BLM: variants seen among roughly 807,000 people sequenced by gnomAD.
The protein encoded by BLM is recQ-like DNA helicase BLM.
In BLM, 95 loss-of-function variants were observed where a neutral mutation model predicts 135.3. The observed-to-expected ratio is 0.70, with a 90% CI of 0.59 to 0.83. BLM has a LOEUF of 0.83. Ranked by LOEUF, BLM falls within the 40% of genes least tolerant of loss-of-function variation. BLM has a pLI of 0.00. For synonymous variants in BLM, 520 were observed against 589.2 expected (o/e 0.88, Z 1.70); for missense variants, 1,518 against 1,663.9 (o/e 0.91, Z 1.53).
At chr15:90,772,201 T>C (rs1896339193) in intron 12 of BLM, among the ~76,000 whole-genome samples, 1 of 152,228 alleles carries the variant, frequency 6.6e-6, no homozygotes, top group Admixed American at 6.5e-5. Flanking sequence ...ACTGCTGCTA[T>C]GTCGTGGCCC....
At chr15:90,747,260 AAAAG>A in intron 1 of BLM, 125 bp from the exon 2 acceptor site, 19 of 621,138 alleles carry the variant, frequency 3.1e-5, no homozygotes, top group Admixed American at 6.1e-5. Context: ...AAAAAAAAAA[AAAAG>A]TCCTATTACT....
At chr15:90,761,868 G>A (rs565869128) in intron 7 of BLM, among the ~76,000 whole-genome samples, 1 of 152,266 alleles carries the variant, frequency 6.6e-6, no homozygotes, top group Non-Finnish European at 1.5e-5. Flanking sequence ...TAGTGAGAGA[G>A]AAGTTTTGAG....
intron 14 of BLM, 131 bp from the exon 15 acceptor site, chr15:90,790,518 A>T (rs1896876503): frequency 2.4e-6 from 2 of 832,610 alleles, no homozygotes; most frequent in African/African-American, 3.7e-5. Flanking sequence ...GACCAAGTTA[A>T]GATATTAGGT....
chr15:90,756,683 C>T (rs1895828870), intron 5 of BLM, among the ~76,000 whole-genome samples: 1 of 152,198 alleles, frequency 6.6e-6, no homozygotes, highest in African/African-American at 2.4e-5. Context: ...CATTCATCAC[C>T]ACTTCTTGTT....
chr15:90,799,443 G>T (rs757488637), intron 17 of BLM, among the ~76,000 whole-genome samples: 1 of 151,718 alleles, frequency 6.6e-6, no homozygotes, highest in Non-Finnish European at 1.5e-5. Flanking sequence ...TGATCAAAAT[G>T]ATATATGGAA....
intron 7 of BLM, 93 bp downstream of exon 7, chr15:90,761,348 T>C: frequency 1.0e-6 from 1 of 993,584 alleles, no homozygotes; most frequent in Non-Finnish European, 1.4e-6. Context: ...CATCATTGCC[T>C]GAAAACATTG....
chr15:90,754,996 G>GT, intron 5 of BLM, 58 bp downstream of exon 5: 1 of 1,590,890 alleles, frequency 6.3e-7, no homozygotes, highest in Non-Finnish European at 8.6e-7. Context: ...TGAAAACAAC[G>GT]TAACACAAAG....
intron 13 of BLM, among the ~76,000 whole-genome samples, chr15:90,784,402 G>T (rs1444057186): frequency 1.5e-5 from 2 of 137,712 alleles, no homozygotes; most frequent in Non-Finnish European, 1.5e-5. Context: ...GTGCGATCTC[G>T]GCTCACTGCA....
At chr15:90,798,497 G>A (rs1479050890) in intron 17 of BLM, among the ~76,000 whole-genome samples, 160 bp downstream of exon 17, 1 of 152,168 alleles carries the variant, frequency 6.6e-6, no homozygotes, top group Admixed American at 6.5e-5. Flanking sequence ...TTATTATACT[G>A]TTTTATATAA....
At chr15:90,747,594 G>A (rs1895539376) in intron 2 of BLM, 104 bp downstream of exon 2, 1 of 773,274 alleles carries the variant, frequency 1.3e-6, no homozygotes, top group Non-Finnish European at 2.2e-6. Flanking sequence ...ATGAGGAAAT[G>A]AAGCTGAGAG....
intron 3 of BLM, 117 bp downstream of exon 3, chr15:90,750,184 T>C (rs1027691593): frequency 1.8e-6 from 2 of 1,127,390 alleles, no homozygotes; most frequent in Non-Finnish European, 2.6e-6. Context: ...TTAGGGTCTT[T>C]AGTGGTGCTT....
chr15:90,743,947 T>G (rs1045351702), intron 1 of BLM, among the ~76,000 whole-genome samples: 2 of 152,210 alleles, frequency 1.3e-5, no homozygotes, highest in African/African-American at 4.8e-5. Context: ...TAAGGTTGAC[T>G]GCATGCTAGC....
At position 90,751,842 on chromosome 15, in the gene BLM, A is replaced by G. The variant is rs1567036639; in HGVS notation, c.855A>G (p.Lys285=). 2 of 1,613,018 alleles carry G rather than the reference A, an allele frequency of 1.2e-6. No individual in the cohort carries two copies. The highest frequency in any genetic ancestry group is 1.7e-6 in the Non-Finnish European group (2 of 1,179,050). ...LEEAELHSTE[K]VPCIEFDDDD... ...AAGCTGAATTACATTCAACTGAGAA[A>G]GTTCCATGTATTGAATTTGATGATG... Residue 285 remains lysine (K), a synonymous_variant, in exon 4 of 22, where the codon AAA becomes AAG. Coordinates refer to ENST00000355112, the MANE Select transcript of BLM (RefSeq NM_000057.4).
intron 19 of BLM, among the ~76,000 whole-genome samples, chr15:90,805,434 T>C (rs1350185240): frequency 2.6e-5 from 4 of 151,672 alleles, no homozygotes; most frequent in Non-Finnish European, 5.9e-5. Flanking sequence ...ATAACACAGC[T>C]AAACACTATA....
chr15:90,727,892 G>GA lies in BLM; in HGVS notation c.-5+10463dup, dbSNP rs34904871. 5.5e-4 allele frequency among the ~76,000 whole-genome samples: 79 copies of GA among 144,360 alleles called. 2 individuals carry two copies. Among genetic ancestry groups the GA allele is most frequent in the East Asian group, 9.9e-4 (5 of 5,060 alleles). The allele number at this position is 144,360 out of a possible 152,430, so 94.7% of individuals were successfully genotyped here. On this transcript the variant is annotated intron_variant, in intron 1 of 21. Transcript: ENST00000355112. Reference sequence around the variant, plus strand: ...TGAACTTAGCTGTTAAGTTCCTCCAGAAAAAAAAAAAGCTGGAATTTTGAT... The same window carrying GA: ...TGAACTTAGCTGTTAAGTTCCTCCAGAAAAAAAAAAAAGCTGGAATTTTGAT...
At chr15:90,775,620 T>G (rs897738242) in intron 12 of BLM, among the ~76,000 whole-genome samples, 4 of 151,946 alleles carry the variant, frequency 2.6e-5, no homozygotes, top group Non-Finnish European at 5.9e-5. Flanking sequence ...CAAGTGATTC[T>G]CCCGCCTCAG....
chr15:90,752,716 G>A lies in BLM; in HGVS notation c.959+770G>A, dbSNP rs559446970. ...TACGAGAAAAATAGATACTCCACACGACTCATCAACAGCTTAAATTGCTAA... is the reference window on the plus strand; with the variant it reads ...TACGAGAAAAATAGATACTCCACACAACTCATCAACAGCTTAAATTGCTAA... On this transcript the variant is annotated intron_variant, in intron 4 of 21. Transcript: ENST00000355112. Among the ~76,000 whole-genome samples the A allele has an allele frequency of 7.2e-5, 11 of 152,230 alleles. No individual in the cohort carries two copies. In the South Asian group the frequency reaches 2.1e-3, roughly 29 times the overall value.
chr15:90,746,323 G>A (rs6496723), intron 1 of BLM, among the ~76,000 whole-genome samples: 64,956 of 151,992 alleles, frequency 0.43, 15,366 homozygotes, highest in African/African-American at 0.65. Flanking sequence ...TCACATGCCA[G>A]TGTGAATTAT....
intron 1 of BLM, among the ~76,000 whole-genome samples, chr15:90,726,517 C>T (rs1712836021): frequency 6.6e-6 from 1 of 152,194 alleles, no homozygotes; most frequent in Non-Finnish European, 1.5e-5. Context: ...ATCCACCCAC[C>T]TCGGCCTCCC....
Sources: allele counts gnomAD v4.1 joint callset (sites outside exome capture counted in the v4.1 genomes callset), GRCh38; gene constraint gnomAD v4.1.1; transcripts MANE v1.5; gene names NCBI Gene and HGNC (gene_info 2026-07-23, HGNC 2026-07-21).